The following SYCP1 variants were observed in gnomAD, a reference collection of about 807,000 sequenced individuals.
SYCP1 encodes the protein synaptonemal complex protein 1.
A neutral mutation model predicts 153.1 loss-of-function variants in SYCP1; 64 were observed. The observed-to-expected ratio is 0.42, with a 90% CI of 0.34 to 0.51. The LOEUF is 0.51. Among genes scored for constraint, SYCP1 ranks in the 20% least tolerant of loss-of-function variants. The probability of loss-of-function intolerance (pLI) is 0.06; values close to 1 mark genes in which losing one functional copy is unlikely to be tolerated. For synonymous variants in SYCP1, 384 were observed against 341.8 expected (o/e 1.12, Z -1.36); for missense variants, 997 against 1,049.0 (o/e 0.95, Z 0.68).
intron 16 of SYCP1, among the ~76,000 whole-genome samples, chr1:114,908,152 A>G (rs1045724274): frequency 5.4e-5 from 8 of 147,628 alleles, no homozygotes; most frequent in African/African-American, 1.7e-4. Flanking sequence ...TTTTGAATAT[A>G]TTATTTATTT....
intron 23 of SYCP1, among the ~76,000 whole-genome samples, chr1:114,930,432 GGAGA>G (rs1242518022): frequency 6.6e-6 from 1 of 151,806 alleles, no homozygotes; most frequent in East Asian, 1.9e-4. Flanking sequence ...ACAAAAAAAG[GGAGA>G]GAAAGTAAAA....
intron 30 of SYCP1, among the ~76,000 whole-genome samples, chr1:114,986,523 A>G (rs923585592): frequency 1.8e-4 from 27 of 152,040 alleles, no homozygotes; most frequent in African/African-American, 6.0e-4. Flanking sequence ...TAAACATATT[A>G]CAGTATTATA....
At chr1:114,978,052 T>C (rs1233138038) in intron 28 of SYCP1, among the ~76,000 whole-genome samples, 4 of 151,630 alleles carry the variant, frequency 2.6e-5, no homozygotes, top group Non-Finnish European at 5.9e-5. Flanking sequence ...TCCTCACTTA[T>C]ATTCTGAACC....
intron 27 of SYCP1, among the ~76,000 whole-genome samples, chr1:114,973,587 T>C (rs1194947524): frequency 6.6e-6 from 1 of 152,088 alleles, no homozygotes; most frequent in Non-Finnish European, 1.5e-5. Flanking sequence ...CATTTGTATA[T>C]TGTGGCTCTC....
intron 27 of SYCP1, among the ~76,000 whole-genome samples, chr1:114,965,843 G>A (rs1672091470): frequency 6.6e-6 from 1 of 152,148 alleles, no homozygotes; most frequent in African/African-American, 2.4e-5. Context: ...TTTGGTATAA[G>A]GATGATGCTG....
At chr1:114,885,500 G>A in intron 12 of SYCP1, 35 bp from the exon 13 acceptor site, 1 of 1,243,038 alleles carries the variant, frequency 8.0e-7, no homozygotes, top group Middle Eastern at 1.9e-4. Flanking sequence ...TATATCTTCT[G>A]CTAAGTACTA....
At chr1:114,987,218 G>A (rs548151315) in intron 30 of SYCP1, among the ~76,000 whole-genome samples, 2 of 152,078 alleles carry the variant, frequency 1.3e-5, no homozygotes, top group South Asian at 4.1e-4. Flanking sequence ...AAAGACGGGA[G>A]AAGACCATAA....
intron 21 of SYCP1, 154 bp downstream of exon 21, chr1:114,923,684 G>T (rs1341996858): frequency 1.4e-6 from 1 of 716,716 alleles, no homozygotes; most frequent in Non-Finnish European, 2.0e-6. Flanking sequence ...ATCTAGGAAA[G>T]GTTGGATTAT....
intron 28 of SYCP1, 67 bp from the exon 29 acceptor site, chr1:114,981,265 TTTAA>T (rs1557850310): frequency 2.4e-6 from 3 of 1,241,536 alleles, no homozygotes; most frequent in Non-Finnish European, 3.3e-6. Context: ...GTTGCTGCAC[TTTAA>T]TTAAAGAAAT....
chr1:114,903,536 A>G (rs1667611263), intron 16 of SYCP1, among the ~76,000 whole-genome samples: 1 of 152,186 alleles, frequency 6.6e-6, no homozygotes. Flanking sequence ...ATGAAGTGAA[A>G]GATGCTGCTG....
intron 8 of SYCP1, among the ~76,000 whole-genome samples, chr1:114,869,992 A>G (rs1015529595): frequency 6.6e-6 from 1 of 152,134 alleles, no homozygotes; most frequent in Non-Finnish European, 1.5e-5. Context: ...TGGAGAAATG[A>G]CCCAAAAGCA....
At chr1:114,887,235 G>A (rs2101554689) in intron 14 of SYCP1, among the ~76,000 whole-genome samples, 1 of 152,154 alleles carries the variant, frequency 6.6e-6, no homozygotes, top group East Asian at 1.9e-4. Context: ...GAAAGCCAGA[G>A]AAGTTAACCA....
At chr1:114,905,727 G>A (rs1256476819) in intron 16 of SYCP1, among the ~76,000 whole-genome samples, 6 of 152,128 alleles carry the variant, frequency 3.9e-5, no homozygotes, top group African/African-American at 7.2e-5. Flanking sequence ...TTTTTGGCAA[G>A]GTCTTCACTA....
chr1:114,936,225 C>A (rs1225033343), intron 23 of SYCP1, among the ~76,000 whole-genome samples: 1 of 152,216 alleles, frequency 6.6e-6, no homozygotes, highest in Non-Finnish European at 1.5e-5. Context: ...GGCTTCATCC[C>A]TGGGATGCAA....
chr1:114,880,571 T>C (rs1174972472), intron 12 of SYCP1, among the ~76,000 whole-genome samples: 1 of 152,140 alleles, frequency 6.6e-6, no homozygotes, highest in Non-Finnish European at 1.5e-5. Context: ...GTATATAAGG[T>C]TTTTCAGGTT....
chr1:114,895,610 T>A (rs932888980), intron 16 of SYCP1, 101 bp downstream of exon 16: 10 of 564,908 alleles, frequency 1.8e-5, no homozygotes, highest in Non-Finnish European at 2.8e-5. Context: ...TTTATACTAA[T>A]TTTTTCAGCT....
chr1:114,974,063 TTTC>T (rs1486706475), intron 27 of SYCP1, among the ~76,000 whole-genome samples: 6 of 151,856 alleles, frequency 4.0e-5, no homozygotes, highest in African/African-American at 1.4e-4. Flanking sequence ...TGACCCTCAC[TTTC>T]TTCTTGTATT....
chr1:114,891,057 T>C (rs1368796410), intron 15 of SYCP1, among the ~76,000 whole-genome samples: 1 of 152,224 alleles, frequency 6.6e-6, no homozygotes, highest in Non-Finnish European at 1.5e-5. Context: ...ACTAAGCTTC[T>C]GTTTGCTTTG....
chr1:114,890,140 T>A (rs1342028518), intron 15 of SYCP1, among the ~76,000 whole-genome samples: 1 of 152,034 alleles, frequency 6.6e-6, no homozygotes, highest in East Asian at 1.9e-4. Context: ...TTGCCTTAGA[T>A]GTTGTAGGAA....
Sources: allele counts gnomAD v4.1 joint callset (sites outside exome capture counted in the v4.1 genomes callset), GRCh38; gene constraint gnomAD v4.1.1; transcripts MANE v1.5; gene names NCBI Gene and HGNC (gene_info 2026-07-23, HGNC 2026-07-21).